SAMD4B: variants seen among roughly 807,000 people sequenced by gnomAD.
SAMD4B encodes the protein protein Smaug homolog 2.
In SAMD4B, 5 loss-of-function variants were observed where a neutral mutation model predicts 74.5. The observed-to-expected ratio is 0.07, with a 90% CI of 0.04 to 0.14. SAMD4B has a LOEUF of 0.14. Ranked by LOEUF, SAMD4B falls within the 10% of genes least tolerant of loss-of-function variation. The pLI, the probability that SAMD4B is intolerant of heterozygous loss-of-function variation, is 1.00. For synonymous variants in SAMD4B, 373 were observed against 374.9 expected (o/e 1.00, Z 0.06); for missense variants, 608 against 921.8 (o/e 0.66, Z 4.41).
chr19:39,374,479 TATA>T (rs1266535261), intron 4 of SAMD4B, among the ~76,000 whole-genome samples: 3 of 152,198 alleles, frequency 2.0e-5, no homozygotes, highest in African/African-American at 4.8e-5. Flanking sequence ...CATTACAAGA[TATA>T]ATGATGTTTA....
Position 39,383,184 on chromosome 19 carries a change from C to T in SAMD4B, c.1973-24C>T, listed in dbSNP as rs767218735. 7 of 1,605,032 alleles carry T rather than the reference C, an allele frequency of 4.4e-6. No homozygotes were observed. Among genetic ancestry groups the T allele is most frequent in the Non-Finnish European group, 5.1e-6 (6 of 1,171,806 alleles). Reference sequence around the variant, plus strand: ...CTGAGTCCAGTTGGTCCTTACCACCCCCATTCTCCTCTCTCCCACCCAGAC... The same window carrying T: ...CTGAGTCCAGTTGGTCCTTACCACCTCCATTCTCCTCTCTCCCACCCAGAC... On this transcript the variant is annotated intron_variant, in intron 12 of 13. Transcript: ENST00000610417. This position sits in a 1 kb window ranked among gnomAD's most constrained non-coding sequence, Gnocchi z 4.1.
chr19:39,345,822 CATT>C (rs2075663210), intron 1 of SAMD4B, among the ~76,000 whole-genome samples: 1 of 152,214 alleles, frequency 6.6e-6, no homozygotes, highest in Non-Finnish European at 1.5e-5. Flanking sequence ...TCTCACTCCT[CATT>C]CAGGTTTAGT....
rs1213081402 is a variant in SAMD4B at position 39,377,642 on chromosome 19, C to A, written c.1262C>A (p.Pro421Gln). 6.2e-7 allele frequency: 1 copy of A among 1,614,118 alleles called. No homozygotes were observed. The highest frequency in any genetic ancestry group is 1.7e-5 in the Admixed American group (1 of 60,010). The stretch of plus-strand genomic sequence containing the variant: ...GGGGCCCCGGGGGAACCACCGCTGC[C>A]AGGTGCTGAGCCTCCCCTAGCCCAC... Reference protein sequence around the residue: ...KDGAPGEPPLPGAEPPLAHPG... With the variant: ...KDGAPGEPPLQGAEPPLAHPG... The change falls in exon 8 of 14, where the codon CCA (proline) becomes CAA (glutamine). Residue 421 changes from proline to glutamine, a missense_variant. Transcript: ENST00000610417.
intron 3 of SAMD4B, among the ~76,000 whole-genome samples, chr19:39,367,507 CTTTT>C (rs572713498): frequency 9.0e-6 from 1 of 110,802 alleles, no homozygotes; most frequent in African/African-American, 4.4e-5. Flanking sequence ...TTTTCTTTTT[CTTTT>C]TTTTTTTTTT....
rs75463758 is a variant in SAMD4B, at chr19:39,383,460, G to A, written c.2057-39G>A. ...GTGCCTTTTCTTGGGCCTCCCTCCA[G>A]CTCCTGATCTTCCTCCCTTCCTCCC... On this transcript the variant is annotated intron_variant, in intron 13 of 13. Transcript: ENST00000610417. The surrounding 1 kb of genome is among the most constrained non-coding windows in gnomAD (Gnocchi z 4.1). 1 of 1,610,176 alleles carries A rather than the reference G, an allele frequency of 6.2e-7. No individual in the cohort carries two copies. Among genetic ancestry groups the A allele is most frequent in the Non-Finnish European group, 8.5e-7 (1 of 1,176,434 alleles).
chr19:39,375,674 G>A lies in SAMD4B; in HGVS notation c.692G>A (p.Ser231Asn). ...GGTCTCCCCTGCCAAATCCACCCTA[G>A]CCCACTGAAGCGCTCCATGTCACTC... Reference protein sequence around the residue: ...NTGLPCQIHPSPLKRSMSLIP... With the variant: ...NTGLPCQIHPNPLKRSMSLIP... The change falls in exon 5 of 14, where the codon AGC becomes AAC. Residue 231 changes from serine to asparagine, a missense_variant. This residue lies in a region of SAMD4B where 153 missense variants were observed against 153.0 expected (regional missense o/e 1.00). Transcript: ENST00000610417. This position sits in a 1 kb window ranked among gnomAD's most constrained non-coding sequence, Gnocchi z 4.1. The A allele has an allele frequency of 1.2e-6, 2 of 1,608,968 alleles. No homozygotes were observed. Among genetic ancestry groups the A allele is most frequent in the Non-Finnish European group, 1.7e-6 (2 of 1,175,776 alleles).
rs1274207411 is a variant in SAMD4B at position 39,384,441 on chromosome 19, C to T, written c.*914C>T. 1.3e-5 allele frequency: 2 copies of T among 152,696 alleles called. No individual in the cohort carries two copies. Among genetic ancestry groups the T allele is most frequent in the Admixed American group, 1.3e-4 (2 of 15,288 alleles). The allele number at this position is 152,696 out of a possible 1,614,324, so 9.5% of individuals were successfully genotyped here. ...CCCCACGAACACACACCCTTCTCCG[C>T]TCCCAGGTCTGGTTGGTGAGACTTG... On this transcript the variant is annotated 3_prime_UTR_variant, in exon 14 of 14. Transcript: ENST00000610417.
At chr19:39,389,562 G>A, downstream of SAMD4B, 1 of 1,614,176 alleles carries the variant, frequency 6.2e-7, no homozygotes, top group Non-Finnish European at 8.5e-7. The surrounding 1 kb of genome is among the most constrained non-coding windows in gnomAD (Gnocchi z 5.3). Context: ...GGAGAGCGGG[G>A]GGCAGGAGGA....
At chr19:39,369,472 C>T in intron 3 of SAMD4B, 183 bp from the exon 4 acceptor site, 1 of 601,746 alleles carries the variant, frequency 1.7e-6, no homozygotes, top group Non-Finnish European at 2.9e-6. Context: ...ACAAAAATTA[C>T]TCCAGAGGCA....
intron 1 of SAMD4B, among the ~76,000 whole-genome samples, chr19:39,344,644 C>A (rs1162178706): frequency 6.6e-6 from 1 of 152,164 alleles, no homozygotes; most frequent in Non-Finnish European, 1.5e-5. Context: ...CCTCTGAAGT[C>A]AACTCAGAGA....
At chr19:39,360,045 G>C (rs1186423862) in intron 3 of SAMD4B, 1 of 152,016 alleles carries the variant, frequency 6.6e-6, no homozygotes, top group Non-Finnish European at 1.5e-5. Flanking sequence ...AATTAGCCGG[G>C]CGTCGTGGCG....
chr19:39,342,999 T>C (rs987304812), intron 1 of SAMD4B, among the ~76,000 whole-genome samples: 5 of 151,144 alleles, frequency 3.3e-5, no homozygotes, highest in Non-Finnish European at 4.4e-5. Flanking sequence ...GCAGCTTTCC[T>C]CGCAGACCCC....
chr19:39,383,643 A>C lies in SAMD4B; in HGVS notation c.*116A>C. On this transcript the variant is annotated 3_prime_UTR_variant, in exon 14 of 14. Transcript: ENST00000610417. The surrounding 1 kb of genome is among the most constrained non-coding windows in gnomAD (Gnocchi z 4.1). The stretch of plus-strand genomic sequence containing the variant: ...GGCTGGCTCAGCTATATATTCTAAT[A>C]TTTTTCTACTCTCTTACCCTCTTAA... 2 of 1,605,106 alleles carry C rather than the reference A, an allele frequency of 1.2e-6. No homozygotes were observed. Among genetic ancestry groups the C allele is most frequent in the Non-Finnish European group, 1.7e-6 (2 of 1,176,792 alleles).
intron 3 of SAMD4B, among the ~76,000 whole-genome samples, chr19:39,358,153 C>T (rs1013703278): frequency 1.3e-5 from 2 of 152,068 alleles, no homozygotes; most frequent in Admixed American, 1.3e-4. Context: ...TGCCTGTAAT[C>T]CCAGCTACTC....
chr19:39,389,405 C>T (rs756108955), downstream of SAMD4B: 5 of 1,613,014 alleles, frequency 3.1e-6, no homozygotes, highest in Non-Finnish European at 4.2e-6. The surrounding 1 kb of genome is among the most constrained non-coding windows in gnomAD (Gnocchi z 5.3). Flanking sequence ...AATCAGGTAT[C>T]TCAGGACCCC....
downstream of SAMD4B, chr19:39,388,599 C>T (rs754420217): frequency 5.6e-6 from 9 of 1,614,022 alleles, no homozygotes; most frequent in East Asian, 2.2e-5. Flanking sequence ...CTCCTGGTCC[C>T]GCTTTCGTTT....
chr19:39,344,924 C>G (rs141048366), intron 1 of SAMD4B, among the ~76,000 whole-genome samples: 20 of 152,264 alleles, frequency 1.3e-4, no homozygotes, highest in Admixed American at 1.1e-3. Context: ...CTTTCAGAAG[C>G]CTTCTTCCTT....
At chr19:39,385,809 T>G, downstream of SAMD4B, 1 of 858,152 alleles carries the variant, frequency 1.2e-6, no homozygotes, top group South Asian at 1.8e-5. Flanking sequence ...TTGCGGGAGG[T>G]ATGTGCTGGG....
chr19:39,373,895 C>G (rs1419638239), intron 4 of SAMD4B, among the ~76,000 whole-genome samples: 1 of 151,428 alleles, frequency 6.6e-6, no homozygotes, highest in Non-Finnish European at 1.5e-5. Flanking sequence ...ACCCGGGAGG[C>G]AGAGGTTGCA....
Sources: allele counts gnomAD v4.1 joint callset (sites outside exome capture counted in the v4.1 genomes callset), GRCh38; gene constraint gnomAD v4.1.1; regional missense constraint gnomAD v4.1.1; non-coding constraint Gnocchi (gnomAD v3.1); transcripts MANE v1.5; gene names NCBI Gene and HGNC (gene_info 2026-07-23, HGNC 2026-07-21).